The following KLHDC8A variants were observed in gnomAD, a reference collection of about 807,000 sequenced individuals.
KLHDC8A encodes the protein kelch domain-containing protein 8A.
In KLHDC8A, 21 loss-of-function variants were observed where a neutral mutation model predicts 33.1. The observed-to-expected ratio is 0.64, with a 90% CI of 0.45 to 0.91. KLHDC8A has a LOEUF of 0.91. Ranked by LOEUF, KLHDC8A falls within the 40% of genes least tolerant of loss-of-function variation. The pLI is 0.00. For missense variants in KLHDC8A, 435 were observed against 483.3 expected (o/e 0.90, Z 0.94); for synonymous variants, 173 against 193.5 (o/e 0.89, Z 0.88).
rs200140917 is a variant in KLHDC8A, at chr1:205,339,762, T to A, written c.423A>T (p.Pro141=). 5.6e-6 allele frequency: 9 copies of A among 1,613,238 alleles called. No homozygotes were observed. In the African/African-American group the frequency reaches 6.7e-5, roughly 12 times the overall value. ...TGTCATAGTGTTGGAGGTGGTTGTG[T>A]GGACGTAGGTCCAGGCCCATCCCGC... The part of the protein sequence containing the change: ...AAGGMGLDLR[P]HNHLQHYDML... Residue 141 remains proline, a synonymous_variant, in exon 3 of 6, where the codon CCA becomes CCT. Transcript: ENST00000367155. The surrounding 1 kb of genome is among the most constrained non-coding windows in gnomAD (Gnocchi z 5.1).
At chr1:205,354,750 A>C (rs1663217105) in intron 1 of KLHDC8A, among the ~76,000 whole-genome samples, 1 of 152,244 alleles carries the variant, frequency 6.6e-6, no homozygotes, top group Non-Finnish European at 1.5e-5. Flanking sequence ...AGGAATATTT[A>C]CTGAATGAAT....
chr1:205,346,974 A>G (rs1321758347), intron 1 of KLHDC8A, among the ~76,000 whole-genome samples: 2 of 152,174 alleles, frequency 1.3e-5, no homozygotes, highest in African/African-American at 4.8e-5. Context: ...TCCTACAGGC[A>G]CCATCTTCTA....
Position 205,339,313 on chromosome 1 carries a change from G to T in KLHDC8A, c.638C>A (p.Ala213Asp). ...GTCCAGGGTCACAAAGCTGGAGAAG[G>T]CCCGCTTATAGGGAATGTTGGGAAA... ...TKFPNIPYKR[A>D]FSSFVTLDNH... is the part of the protein sequence containing the mutation. The change falls in exon 4 of 6, where the codon GCC (alanine) becomes GAC (aspartate). Residue 213 changes from alanine (A) to aspartate (D), a missense_variant. Coordinates refer to ENST00000367155, the MANE Select transcript of KLHDC8A (RefSeq NM_018203.3). This position sits in a 1 kb window ranked among gnomAD's most constrained non-coding sequence, Gnocchi z 5.1. The T allele has an allele frequency of 1.2e-6, 2 of 1,614,182 alleles. No homozygotes were observed. The highest frequency in any genetic ancestry group is 8.5e-7 in the Non-Finnish European group (1 of 1,179,994).
At chr1:205,351,602 C>CA (rs869257465) in intron 1 of KLHDC8A, 23,555 of 104,254 alleles carry the variant, frequency 0.23, 1,854 homozygotes, top group East Asian at 0.42. Flanking sequence ...CTGTAATAGT[C>CA]AAAAAAAAAA....
At chr1:205,351,549 G>T in intron 1 of KLHDC8A, 2 of 626,792 alleles carry the variant, frequency 3.2e-6, no homozygotes, top group South Asian at 1.6e-5. Context: ...GTAAAAATTA[G>T]GTCATGTACA....
Position 205,343,661 on chromosome 1 carries a change from G to A in KLHDC8A, c.-57C>T. On this transcript the variant is annotated 5_prime_UTR_variant, in exon 2 of 6. Coordinates refer to ENST00000367155, the MANE Select transcript of KLHDC8A (RefSeq NM_018203.3). ...GAGGTGCGAGCGCGGGGGTCCACCG[G>A]CTACTTGGCGCCGGCTCCCACGGCC... 2.0e-6 allele frequency: 3 copies of A among 1,496,104 alleles called. No homozygotes were observed. The highest frequency in any genetic ancestry group is 1.8e-6 in the Non-Finnish European group (2 of 1,124,366). 92.7% of individuals were successfully genotyped at this position (1,496,104 alleles called of 1,614,324 possible). A position where few individuals can be genotyped will look rare whatever the true frequency, so the allele number is the denominator to read the frequency against.
intron 1 of KLHDC8A, among the ~76,000 whole-genome samples, chr1:205,344,843 AT>A (rs1662902981): frequency 1.3e-5 from 2 of 152,072 alleles, no homozygotes; most frequent in South Asian, 4.2e-4. Context: ...ACAGACAGAC[AT>A]GTGGACACAG....
At position 205,338,568 on chromosome 1, in the gene KLHDC8A, G is replaced by A. The variant is rs1662699261; in HGVS notation, c.786C>T (p.Phe262=). ...AATCTGCCCGCCGCTTCTTGAGGAA[G>A]AACGATCGTTCCATCTTCAGCCATC... The part of the protein sequence containing the change: ...QGGWLKMERS[F]FLKKRRADFV... Residue 262 remains phenylalanine, a synonymous_variant, in exon 5 of 6, where the codon TTC becomes TTT. Transcript: ENST00000367155. 6.2e-7 allele frequency: 1 copy of A among 1,614,038 alleles called. No individual in the cohort carries two copies. The highest frequency in any genetic ancestry group is 1.1e-5 in the South Asian group (1 of 91,090).
rs536942188 is a variant in KLHDC8A, at chr1:205,337,052, GA to G, written c.*346del. The stretch of plus-strand genomic sequence containing the variant: ...CAACAGCAGTCTATCCTCTCGGTCA[GA>G]ACTGCTCTACCTGCCTCCTGGAGAT... On this transcript the variant is annotated 3_prime_UTR_variant, in exon 6 of 6. Transcript: ENST00000367155. 102 of 309,542 alleles carry G rather than the reference GA, an allele frequency of 3.3e-4. 1 individual carries two copies. In the South Asian group the frequency reaches 3.4e-3, roughly 10 times the overall value. 19.2% of individuals were successfully genotyped at this position (309,542 alleles called of 1,614,324 possible). A position where few individuals can be genotyped will look rare whatever the true frequency, so the allele number is the denominator to read the frequency against.
chr1:205,343,396 G>A lies in KLHDC8A; in HGVS notation c.209C>T (p.Ala70Val), dbSNP rs1411902949. Residue 70 changes from alanine to valine, a missense_variant, in exon 2 of 6, where the codon GCG (alanine) becomes GTG (valine). Transcript: ENST00000367155. ...TALPRLPTAR[A>V]GVAVTALGKR... Reference sequence around the variant, plus strand: ...CCCCAGGGCGGTGACGGCCACCCCCGCCCGGGCTGTGGGCAGCCGGGGCAA... The same window carrying A: ...CCCCAGGGCGGTGACGGCCACCCCCACCCGGGCTGTGGGCAGCCGGGGCAA... 4 of 1,613,296 alleles carry A rather than the reference G, an allele frequency of 2.5e-6. No individual in the cohort carries two copies. The South Asian group carries it at 3.3e-5, about 13-fold the overall frequency.
At position 205,339,488 on chromosome 1, in the gene KLHDC8A, T is replaced by TG; in HGVS notation, c.542-80dup. The TG allele has an allele frequency of 6.8e-7, 1 of 1,462,202 alleles. No individual in the cohort carries two copies. Among genetic ancestry groups the TG allele is most frequent in the Non-Finnish European group, 9.4e-7 (1 of 1,059,470 alleles). The allele number at this position is 1,462,202 out of a possible 1,614,324, so 90.6% of individuals were successfully genotyped here. On this transcript the variant is annotated intron_variant, in intron 3 of 5. Transcript: ENST00000367155. This position sits in a 1 kb window ranked among gnomAD's most constrained non-coding sequence, Gnocchi z 5.1. ...CGACAGTGAAAAGGGTTTCCCCTTT[T>TG]GACAGTTACTCATTCATACAGGAAG... is the stretch of plus-strand genomic sequence containing the variant.
chr1:205,351,776 A>G (rs1663117490), intron 1 of KLHDC8A, among the ~76,000 whole-genome samples: 1 of 151,982 alleles, frequency 6.6e-6, no homozygotes. Context: ...AAAATTAGCC[A>G]GGGATGGTGG....
At chr1:205,352,684 G>T (rs1663149121) in intron 1 of KLHDC8A, among the ~76,000 whole-genome samples, 1 of 152,208 alleles carries the variant, frequency 6.6e-6, no homozygotes, top group Non-Finnish European at 1.5e-5. Flanking sequence ...GCCAAGCTTT[G>T]GGTGAATCAA....
At chr1:205,341,526 T>C (rs1662788334) in intron 2 of KLHDC8A, among the ~76,000 whole-genome samples, 1 of 152,192 alleles carries the variant, frequency 6.6e-6, no homozygotes, top group Non-Finnish European at 1.5e-5. Context: ...CAATTCTTAC[T>C]CATCCTTTCA....
At position 205,343,673 on chromosome 1, in the gene KLHDC8A, C is replaced by G; in HGVS notation, c.-69G>C. On this transcript the variant is annotated 5_prime_UTR_variant, in exon 2 of 6. Transcript: ENST00000367155. ...CGGGGGTCCACCGGCTACTTGGCGCCGGCTCCCACGGCCCCTATCGCCACC... is the reference window on the plus strand; with the variant it reads ...CGGGGGTCCACCGGCTACTTGGCGCGGGCTCCCACGGCCCCTATCGCCACC... 6.9e-7 allele frequency: 1 copy of G among 1,459,788 alleles called. No individual in the cohort carries two copies. The highest frequency in any genetic ancestry group is 9.1e-7 in the Non-Finnish European group (1 of 1,099,884). 90.4% of individuals were successfully genotyped at this position (1,459,788 alleles called of 1,614,324 possible). A position where few individuals can be genotyped will look rare whatever the true frequency, so the allele number is the denominator to read the frequency against.
At chr1:205,346,358 G>A (rs982968310) in intron 1 of KLHDC8A, among the ~76,000 whole-genome samples, 1 of 152,182 alleles carries the variant, frequency 6.6e-6, no homozygotes, top group Non-Finnish European at 1.5e-5. Flanking sequence ...AAGATTTAAA[G>A]CCATAGACCT....
intron 1 of KLHDC8A, among the ~76,000 whole-genome samples, chr1:205,352,599 T>C (rs796206793): frequency 6.6e-6 from 1 of 152,228 alleles, no homozygotes; most frequent in African/African-American, 2.4e-5. Context: ...CGGGGACGCG[T>C]GATGAGCTGG....
chr1:205,339,194 C>G lies in KLHDC8A; in HGVS notation c.757G>C (p.Gly253Arg), dbSNP rs1164427163. 1 of 1,613,348 alleles carries G rather than the reference C, an allele frequency of 6.2e-7. No individual in the cohort carries two copies. Among genetic ancestry groups the G allele is most frequent in the Admixed American group, 1.7e-5 (1 of 59,980 alleles). Residue 253 changes from glycine to arginine, a missense_variant and splice_region_variant, in exon 4 of 6, where the codon GGG becomes CGG. By Grantham distance (125) the Gly-to-Arg change is moderately radical. Coordinates refer to ENST00000367155, the MANE Select transcript of KLHDC8A (RefSeq NM_018203.3). This position sits in a 1 kb window ranked among gnomAD's most constrained non-coding sequence, Gnocchi z 5.1. ...RTMDVFDMEQ[G>R]GWLKMERSFF... ...TTCCTGGGGAAGGTGACCAGCTCAC[C>G]CTGTTCCATGTCGAACACGTCCATC...
intron 1 of KLHDC8A, among the ~76,000 whole-genome samples, chr1:205,353,198 G>A (rs536640208): frequency 2.0e-5 from 3 of 152,254 alleles, no homozygotes; most frequent in Non-Finnish European, 4.4e-5. Context: ...TTTCTGTATG[G>A]CCTGAAATCT....
Sources: allele counts gnomAD v4.1 joint callset (sites outside exome capture counted in the v4.1 genomes callset), GRCh38; gene constraint gnomAD v4.1.1; non-coding constraint Gnocchi (gnomAD v3.1); transcripts MANE v1.5; gene names NCBI Gene and HGNC (gene_info 2026-07-23, HGNC 2026-07-21).